MIER3: variants seen among roughly 807,000 people sequenced by gnomAD.
MIER3 encodes MIER family member 3, also known as mesoderm induction early response protein 3.
A neutral mutation model predicts 63.2 loss-of-function variants in MIER3; 9 were observed. The ratio of observed to expected loss-of-function variants is 0.14; its 90% CI spans 0.09 to 0.25. MIER3 has a LOEUF of 0.25. Ranked by LOEUF, MIER3 falls within the 10% of genes least tolerant of loss-of-function variation. The probability of loss-of-function intolerance (pLI) is 1.00; values close to 1 mark genes in which losing one functional copy is unlikely to be tolerated. For synonymous variants in MIER3, 205 were observed against 224.9 expected, an observed-to-expected ratio of 0.91 and a Z score of 0.79; for missense variants, 512 against 666.2, an observed-to-expected ratio of 0.77 and a Z score of 2.55.
At chr5:56,938,553 T>TG (rs1750533110) in intron 4 of MIER3, among the ~76,000 whole-genome samples, 1 of 152,230 alleles carries the variant, frequency 6.6e-6, no homozygotes, top group Non-Finnish European at 1.5e-5. Context: ...TGAAGGCTTC[T>TG]GGGGGATTTA....
chr5:56,946,852 G>A, intron 3 of MIER3, 74 bp downstream of exon 3: 1 of 1,133,766 alleles, frequency 8.8e-7, no homozygotes, highest in Non-Finnish European at 1.2e-6. Flanking sequence ...TTTTATTTCA[G>A]GTAGATTATT....
chr5:56,934,321 T>G (rs1367506072), intron 7 of MIER3, among the ~76,000 whole-genome samples: 2 of 152,226 alleles, frequency 1.3e-5, no homozygotes, highest in Non-Finnish European at 1.5e-5. Context: ...GCAGTAAGAC[T>G]TGACTTTTGA....
chr5:56,944,266 T>C (rs981562299), intron 3 of MIER3, among the ~76,000 whole-genome samples: 21 of 151,354 alleles, frequency 1.4e-4, no homozygotes, highest in South Asian at 2.1e-4. Context: ...GGTCAGGAGA[T>C]CGAGACCATC....
intron 2 of MIER3, 151 bp downstream of exon 2, chr5:56,950,477 C>G: frequency 1.2e-6 from 1 of 808,574 alleles, no homozygotes; most frequent in East Asian, 2.7e-5. Context: ...CTGTTTCTTC[C>G]CCAAACTTTA....
chr5:56,925,836 T>TC (rs1338686928), intron 10 of MIER3, among the ~76,000 whole-genome samples: 1 of 151,780 alleles, frequency 6.6e-6, no homozygotes, highest in Non-Finnish European at 1.5e-5. Flanking sequence ...GTCCCCAACT[T>TC]CAAGATTTAC....
intron 1 of MIER3, among the ~76,000 whole-genome samples, chr5:56,951,691 G>A (rs963511245): frequency 6.6e-6 from 1 of 151,284 alleles, no homozygotes; most frequent in Non-Finnish European, 1.5e-5. Flanking sequence ...TTTGCGATCC[G>A]GCCGCGGAGG....
In MIER3 at chr5:56,921,366, AAC is replaced by A. The variant is rs1188150276; in HGVS notation, c.*1760_*1761del. 6.6e-6 allele frequency: 1 copy of A among 152,408 alleles called. No individual in the cohort carries two copies. Among genetic ancestry groups the A allele is most frequent in the Non-Finnish European group, 1.5e-5 (1 of 68,002 alleles). 9.4% of individuals were successfully genotyped at this position (152,408 alleles called of 1,614,324 possible). ...AACTTGGATAAAAATACAAGAAAGT[AAC>A]ACAGAGCCCAGGCTACCCATTATTT... On this transcript the variant is annotated 3_prime_UTR_variant, in exon 13 of 13. Coordinates refer to ENST00000381199, the MANE Select transcript of MIER3 (RefSeq NM_001297599.2).
chr5:56,935,460 G>C lies in MIER3; in HGVS notation c.563C>G (p.Pro188Arg). ...IGLQYQAEIP[P>R]YLGEYDGNEK... Reference sequence around the variant, plus strand: ...ATTACCATCGTACTCTCCAAGATAAGGGGGAATCTCTGCCTGATATTGTAA... The same window carrying C: ...ATTACCATCGTACTCTCCAAGATAACGGGGAATCTCTGCCTGATATTGTAA... The change falls in exon 7 of 13, where the codon CCT becomes CGT. Residue 188 changes from proline to arginine, a missense_variant. Coordinates refer to ENST00000381199, the MANE Select transcript of MIER3 (RefSeq NM_001297599.2). 1.9e-6 allele frequency: 3 copies of C among 1,595,846 alleles called. No individual in the cohort carries two copies. Among genetic ancestry groups the C allele is most frequent in the Non-Finnish European group, 1.7e-6 (2 of 1,174,912 alleles).
At chr5:56,945,462 CAA>C (rs1329673845) in intron 3 of MIER3, among the ~76,000 whole-genome samples, 7 of 143,658 alleles carry the variant, frequency 4.9e-5, no homozygotes, top group African/African-American at 1.8e-4. Flanking sequence ...GTCTTCGTCT[CAA>C]AAAAAAAAAG....
At chr5:56,924,928 C>T (rs1395807888) in intron 10 of MIER3, among the ~76,000 whole-genome samples, 1 of 152,188 alleles carries the variant, frequency 6.6e-6, no homozygotes, top group Non-Finnish European at 1.5e-5. Flanking sequence ...GTATACCTTT[C>T]AATAAACATC....
At position 56,952,107 on chromosome 5, in the gene MIER3, G is replaced by A. The variant is rs1751060044; in HGVS notation, c.-5C>T. 7.7e-7 allele frequency: 1 copy of A among 1,305,682 alleles called. No homozygotes were observed. The highest frequency in any genetic ancestry group is 3.8e-5 in the East Asian group (1 of 26,286). The allele number at this position is 1,305,682 out of a possible 1,614,324, so 80.9% of individuals were successfully genotyped here. A position where few individuals can be genotyped will look rare whatever the true frequency, so the allele number is the denominator to read the frequency against. ...TTCCCTGCTCACCTCCGCCATATTG[G>A]TACCTTTAGGGCGAACGAGCAGCGC... On this transcript the variant is annotated 5_prime_UTR_variant, in exon 1 of 13. Transcript: ENST00000381199.
At chr5:56,943,011 G>A (rs1385415847) in intron 3 of MIER3, among the ~76,000 whole-genome samples, 1 of 152,066 alleles carries the variant, frequency 6.6e-6, no homozygotes, top group African/African-American at 2.4e-5. Context: ...CCAGGGTGGT[G>A]GGATACACCA....
intron 3 of MIER3, among the ~76,000 whole-genome samples, chr5:56,942,101 G>C (rs575331796): frequency 6.6e-6 from 1 of 152,322 alleles, no homozygotes; most frequent in African/African-American, 2.4e-5. Context: ...GAAAAGTCAG[G>C]TTGGCCAGGA....
Position 56,921,338 on chromosome 5 carries a change from G to T in MIER3, c.*1790C>A, listed in dbSNP as rs951756841. 3.3e-5 allele frequency: 5 copies of T among 152,356 alleles called. No individual in the cohort carries two copies. The highest frequency in any genetic ancestry group is 2.0e-4 in the Admixed American group (3 of 15,278). 9.4% of individuals were successfully genotyped at this position (152,356 alleles called of 1,614,324 possible). ...CACAACAACACAGCAATAAGAAGCT[G>T]ACAACTTGGATAAAAATACAAGAAA... On this transcript the variant is annotated 3_prime_UTR_variant, in exon 13 of 13. Transcript: ENST00000381199.
intron 4 of MIER3, chr5:56,938,284 A>G (rs1356672420): frequency 2.1e-6 from 1 of 471,254 alleles, no homozygotes; most frequent in Admixed American, 2.3e-5. Context: ...AAGTGGGAAC[A>G]ATATAACTCA....
chr5:56,923,295 CTTCA>C lies in MIER3; in HGVS notation c.1482_1485del (p.Asn494LysfsTer4), dbSNP rs768218767. The stretch of plus-strand genomic sequence containing the variant: ...TCCACACCCAGGTTATTTACAGAAA[CTTCA>C]TTCATAAAGGATTCAGGGACGGCAA... On this transcript the variant is annotated frameshift_variant, in exon 13 of 13. Transcript: ENST00000381199. LOFTEE classifies it high-confidence loss of function. 5 of 1,614,056 alleles carry C rather than the reference CTTCA, an allele frequency of 3.1e-6. No homozygotes were observed. Among genetic ancestry groups the C allele is most frequent in the Non-Finnish European group, 8.5e-7 (1 of 1,180,032 alleles).
intron 10 of MIER3, among the ~76,000 whole-genome samples, 154 bp from the exon 11 acceptor site, chr5:56,924,196 CTT>C (rs2112070311): frequency 6.6e-6 from 1 of 152,008 alleles, no homozygotes; most frequent in African/African-American, 2.4e-5. Context: ...GTTCTGAACA[CTT>C]TGATTAGTGG....
chr5:56,942,235 G>A lies in MIER3; in HGVS notation c.181-3218C>T, dbSNP rs535252334. On this transcript the variant is annotated intron_variant, in intron 3 of 12. Coordinates refer to ENST00000381199, the MANE Select transcript of MIER3 (RefSeq NM_001297599.2). ...CACGGAGAGGGTAGAGAGAAAAGAG[G>A]AAGGGATCTATGCTTATCAGAAGAA... is the stretch of plus-strand genomic sequence containing the variant. Among the ~76,000 whole-genome samples the A allele has an allele frequency of 2.0e-5, 3 of 152,326 alleles. No homozygotes were observed. The South Asian group carries it at 6.2e-4, about 32-fold the overall frequency.
intron 5 of MIER3, among the ~76,000 whole-genome samples, chr5:56,937,087 A>ATTG (rs1319066485): frequency 8.6e-5 from 13 of 151,460 alleles, no homozygotes; most frequent in African/African-American, 3.2e-4. Flanking sequence ...TATTATTATT[A>ATTG]TTATTGAGAC....
Sources: gnomAD v4.1 joint callset for allele counts (sites outside exome capture counted in the v4.1 genomes callset) on GRCh38, gnomAD v4.1.1 for gene constraint, MANE v1.5 for transcripts, NCBI Gene and HGNC (gene_info 2026-07-23, HGNC 2026-07-21) for gene names.